The following DLG2 variants were observed in gnomAD, a reference collection of about 807,000 sequenced individuals.
DLG2 encodes disks large homolog 2.
DLG2 carries 45 observed loss-of-function variants against 132.5 expected under a neutral mutation model. The observed-to-expected ratio is 0.34, with a 90% CI of 0.27 to 0.44. DLG2 has a LOEUF of 0.44. DLG2 is among the 20% of genes least tolerant of loss of function. DLG2 has a pLI of 1.00. For missense variants in DLG2, 1,045 were observed against 1,196.9 expected, an observed-to-expected ratio of 0.87 and a Z score of 1.87; for synonymous variants, 424 against 419.6, an observed-to-expected ratio of 1.01 and a Z score of -0.13.
intron 7 of DLG2, among the ~76,000 whole-genome samples, chr11:84,394,794 G>GT (rs1169394874): frequency 6.6e-6 from 1 of 151,974 alleles, no homozygotes; most frequent in Non-Finnish European, 1.5e-5. Flanking sequence ...GCTAATTTTT[G>GT]TATTTTCAGT....
intron 6 of DLG2, among the ~76,000 whole-genome samples, chr11:84,619,589 C>T (rs1339919692): frequency 1.3e-5 from 2 of 151,202 alleles, no homozygotes; most frequent in Admixed American, 6.6e-5. Flanking sequence ...AACTAGCACA[C>T]CCCAATCAAT....
At chr11:83,680,389 G>A (rs2078565835) in intron 18 of DLG2, among the ~76,000 whole-genome samples, 1 of 152,088 alleles carries the variant, frequency 6.6e-6, no homozygotes, top group African/African-American at 2.4e-5. Context: ...AACACTTTTA[G>A]GACCCTTCAG....
intron 6 of DLG2, among the ~76,000 whole-genome samples, chr11:84,999,208 T>G (rs2057983180): frequency 6.6e-6 from 1 of 152,048 alleles, no homozygotes; most frequent in Admixed American, 6.6e-5. Flanking sequence ...GCCACCTATG[T>G]GTGTGAAAGG....
In DLG2 at chr11:83,475,643, C is replaced by T. The variant is rs542390514; in HGVS notation, c.2294-2866G>A. ...AGAGAGATAGGGGCTGAAACCAGGT[C>T]GGGGTTATTAAGAGGCCATCAGATA... On this transcript the variant is annotated intron_variant, in intron 22 of 27. Coordinates refer to ENST00000376104, the MANE Select transcript of DLG2 (RefSeq NM_001142699.3). 5.9e-5 allele frequency among the ~76,000 whole-genome samples: 9 copies of T among 151,528 alleles called. No homozygotes were observed. The South Asian group carries it at 1.5e-3, about 24-fold the overall frequency.
At chr11:84,361,299 A>G (rs896205392) in intron 7 of DLG2, among the ~76,000 whole-genome samples, 11 of 151,998 alleles carry the variant, frequency 7.2e-5, no homozygotes, top group African/African-American at 2.7e-4. Flanking sequence ...CAAATTGCTG[A>G]AAACCAAAGA....
At chr11:85,079,309 C>G (rs922589119) in intron 6 of DLG2, among the ~76,000 whole-genome samples, 3 of 151,962 alleles carry the variant, frequency 2.0e-5, no homozygotes, top group African/African-American at 7.2e-5. Flanking sequence ...GTCTTAAGGT[C>G]TCTGTTTTAA....
chr11:83,628,428 A>G lies in DLG2; in HGVS notation c.1940+4783T>C, dbSNP rs573856945. Among the ~76,000 whole-genome samples the G allele has an allele frequency of 2.0e-5, 3 of 152,304 alleles. No individual in the cohort carries two copies. The East Asian group carries it at 5.8e-4, about 29-fold the overall frequency. ...CAACTGTGTGCTTAAATGCTGCTCT[A>G]CAATGTCTCACAAATAGGATCTGAA... is the stretch of plus-strand genomic sequence containing the variant. On this transcript the variant is annotated intron_variant, in intron 19 of 27. Transcript: ENST00000376104.
intron 7 of DLG2, among the ~76,000 whole-genome samples, chr11:84,356,729 A>G (rs2098614409): frequency 2.6e-5 from 4 of 152,104 alleles, no homozygotes; most frequent in Admixed American, 6.6e-5. Context: ...TTCTACAAAG[A>G]ACGCTCAAAG....
chr11:84,300,579 CTTCCTTCA>C (rs1206420012), intron 7 of DLG2, among the ~76,000 whole-genome samples: 3 of 152,150 alleles, frequency 2.0e-5, no homozygotes, highest in South Asian at 2.1e-4. Flanking sequence ...TCCTTCCTTC[CTTCCTTCA>C]TTCCTTCCTT....
At chr11:84,924,272 A>G (rs971343527) in intron 6 of DLG2, among the ~76,000 whole-genome samples, 2 of 152,160 alleles carry the variant, frequency 1.3e-5, no homozygotes, top group Middle Eastern at 3.2e-3. Context: ...CTAGAATTCT[A>G]AAGCTATCTG....
chr11:84,904,320 A>G (rs1464752609), intron 6 of DLG2, among the ~76,000 whole-genome samples: 4 of 152,138 alleles, frequency 2.6e-5, no homozygotes, highest in Non-Finnish European at 5.9e-5. Context: ...TTTAATTGCA[A>G]TTATATCCCT....
intron 3 of DLG2, among the ~76,000 whole-genome samples, chr11:85,472,057 C>T (rs1176278500): frequency 1.3e-5 from 2 of 152,120 alleles, no homozygotes; most frequent in African/African-American, 2.4e-5. Context: ...GACCTTCAAA[C>T]CAAAGACAAA....
intron 9 of DLG2, among the ~76,000 whole-genome samples, chr11:84,142,177 C>T (rs187621535): frequency 6.6e-6 from 1 of 152,114 alleles, no homozygotes; most frequent in Admixed American, 6.6e-5. Flanking sequence ...TGGCACATGC[C>T]TGTGGTCCCA....
At chr11:84,591,825 T>A (rs766228568) in intron 6 of DLG2, among the ~76,000 whole-genome samples, 2 of 152,026 alleles carry the variant, frequency 1.3e-5, no homozygotes, top group Non-Finnish European at 2.9e-5. Context: ...TCTGTGGGGG[T>A]AGGACCCAAG....
At chr11:84,381,193 C>G (rs984202760) in intron 7 of DLG2, among the ~76,000 whole-genome samples, 3 of 151,700 alleles carry the variant, frequency 2.0e-5, no homozygotes, top group Non-Finnish European at 4.4e-5. Context: ...AAAGAGAAAA[C>G]CTGAATAATC....
At chr11:84,675,172 C>T (rs2099709935) in intron 6 of DLG2, among the ~76,000 whole-genome samples, 1 of 152,124 alleles carries the variant, frequency 6.6e-6, no homozygotes, top group African/African-American at 2.4e-5. Context: ...GTTGATTCTG[C>T]TGTCTTGATT....
At chr11:83,682,546 T>A (rs2079008981) in intron 18 of DLG2, 3 of 712,268 alleles carry the variant, frequency 4.2e-6, no homozygotes, top group Non-Finnish European at 5.2e-6. Flanking sequence ...CTACACCTTG[T>A]TAAGGTGGAT....
chr11:85,544,142 G>A (rs61133973), intron 3 of DLG2, among the ~76,000 whole-genome samples: 1 of 151,932 alleles, frequency 6.6e-6, no homozygotes, highest in Admixed American at 6.6e-5. Flanking sequence ...TTTAAGTCTT[G>A]AATCTGTCTT....
At chr11:83,790,494 T>A (rs1209421314) in intron 17 of DLG2, 2 of 1,244,580 alleles carry the variant, frequency 1.6e-6, no homozygotes, top group Non-Finnish European at 2.3e-6. Context: ...ACCACTACTT[T>A]GCACTGAGAC....
Sources: allele counts gnomAD v4.1 joint callset (sites outside exome capture counted in the v4.1 genomes callset), GRCh38; gene constraint gnomAD v4.1.1; transcripts MANE v1.5; gene names NCBI Gene and HGNC (gene_info 2026-07-23, HGNC 2026-07-21).